The following PIAS4 variants were observed in gnomAD, a reference collection of about 807,000 sequenced individuals.
PIAS4 encodes protein inhibitor of activated STAT 4.
In PIAS4, 7 loss-of-function variants were observed where a neutral mutation model predicts 58.0. That is an observed-to-expected ratio of 0.12 (90% CI 0.07 to 0.23). The LOEUF (loss-of-function observed/expected upper bound fraction) is 0.23. Among genes scored for constraint, PIAS4 ranks in the 10% least tolerant of loss-of-function variants. PIAS4 has a pLI of 1.00. For synonymous variants in PIAS4, 364 were observed against 312.4 expected (o/e 1.17, Z -1.74); for missense variants, 550 against 709.5 (o/e 0.78, Z 2.55).
At chr19:4,025,733 A>C (rs2040157175) in intron 3 of PIAS4, among the ~76,000 whole-genome samples, 1 of 151,272 alleles carries the variant, frequency 6.6e-6, no homozygotes, top group Non-Finnish European at 1.5e-5. Flanking sequence ...CTCCACCTGC[A>C]CTGGGTCCCT....
At chr19:4,015,400 G>T (rs1394186571) in intron 2 of PIAS4, among the ~76,000 whole-genome samples, 2 of 152,144 alleles carry the variant, frequency 1.3e-5, no homozygotes, top group Non-Finnish European at 2.9e-5. Flanking sequence ...CTCCGGGAGA[G>T]CCTGCTCCCC....
At chr19:4,028,054 T>A (rs1326394846) in intron 3 of PIAS4, 92 bp from the exon 4 acceptor site, 8 of 1,176,700 alleles carry the variant, frequency 6.8e-6, no homozygotes, top group Middle Eastern at 1.9e-4. Flanking sequence ...AGCCTTGTGG[T>A]GTGGCGGTCT....
chr19:4,015,070 G>A (rs955216541), intron 2 of PIAS4, among the ~76,000 whole-genome samples: 1 of 152,240 alleles, frequency 6.6e-6, no homozygotes, highest in Non-Finnish European at 1.5e-5. Flanking sequence ...CTGGGGAGCA[G>A]GTTGGCCCAG....
chr19:4,015,023 C>T (rs1040277452), intron 2 of PIAS4, among the ~76,000 whole-genome samples: 2 of 152,202 alleles, frequency 1.3e-5, no homozygotes, highest in African/African-American at 2.4e-5. Context: ...CCGCCTCCAC[C>T]TTTTTTCTCT....
chr19:4,014,614 C>T (rs1056901667), intron 2 of PIAS4, among the ~76,000 whole-genome samples: 4 of 152,206 alleles, frequency 2.6e-5, no homozygotes, highest in African/African-American at 9.6e-5. Flanking sequence ...TGGGTGGGTG[C>T]GTGATGGGCA....
chr19:4,025,597 A>G (rs907662235), intron 3 of PIAS4, among the ~76,000 whole-genome samples: 1 of 152,106 alleles, frequency 6.6e-6, no homozygotes, highest in Non-Finnish European at 1.5e-5. Context: ...CCTCACACCT[A>G]GTAAGGGTTC....
At chr19:4,026,658 G>T (rs959451480) in intron 3 of PIAS4, among the ~76,000 whole-genome samples, 3 of 151,946 alleles carry the variant, frequency 2.0e-5, no homozygotes, top group Non-Finnish European at 4.4e-5. Flanking sequence ...TTTCATAGAA[G>T]TGGAATCACA....
rs1388468383 is a variant in PIAS4, at chr19:4,036,114, A to G, written c.1143-1260A>G. Among the ~76,000 whole-genome samples, 11 of 132,382 alleles carry G rather than the reference A, an allele frequency of 8.3e-5. 1 individual carries two copies. Among genetic ancestry groups the G allele is most frequent in the Non-Finnish European group, 1.9e-4 (11 of 58,942 alleles). The allele number at this position is 132,382 out of a possible 152,430, so 86.8% of individuals were successfully genotyped here. The stretch of plus-strand genomic sequence containing the variant: ...CACACCGTCATACAAACACACACAC[A>G]TCTATACAGTCCACACCGTCACACA... On this transcript the variant is annotated intron_variant, in intron 9 of 10. Coordinates refer to ENST00000262971, the MANE Select transcript of PIAS4 (RefSeq NM_015897.4).
chr19:4,029,079 C>T, intron 7 of PIAS4, 43 bp downstream of exon 7: 5 of 1,402,000 alleles, frequency 3.6e-6, no homozygotes, highest in African/African-American at 1.4e-5. Flanking sequence ...GCCAAGTCCA[C>T]CCTGGAAACC....
At chr19:4,035,979 T>TAC (rs772434359) in intron 9 of PIAS4, among the ~76,000 whole-genome samples, 144 of 1,950 alleles carry the variant, frequency 0.074, 2 homozygotes, top group South Asian at 0.18. Context: ...CACACCGTCA[T>TAC]ACACACACAC....
At chr19:4,027,104 G>A (rs570909735) in intron 3 of PIAS4, among the ~76,000 whole-genome samples, 2 of 151,396 alleles carry the variant, frequency 1.3e-5, no homozygotes, top group East Asian at 1.9e-4. Flanking sequence ...CGCCCGCCTC[G>A]GCCTCCCAAA....
At position 4,038,117 on chromosome 19, in the gene PIAS4, TAA is replaced by T. The variant is rs746220346; in HGVS notation, c.*246_*247del. On this transcript the variant is annotated 3_prime_UTR_variant, in exon 11 of 11. Coordinates refer to ENST00000262971, the MANE Select transcript of PIAS4 (RefSeq NM_015897.4). This position sits in a 1 kb window ranked among gnomAD's most constrained non-coding sequence, Gnocchi z 4.1. Reference sequence around the variant, plus strand: ...AAATGAAACAAAAAAGTCAAACTCTTAAAAACAAGGCCGGCCACCCACACAGC... The same window carrying T: ...AAATGAAACAAAAAAGTCAAACTCTTAAACAAGGCCGGCCACCCACACAGC... 2.0e-6 allele frequency: 1 copy of T among 492,722 alleles called. No individual in the cohort carries two copies. Among genetic ancestry groups the T allele is most frequent in the Non-Finnish European group, 3.5e-6 (1 of 284,672 alleles). 30.5% of individuals were successfully genotyped at this position (492,722 alleles called of 1,614,324 possible). A position where few individuals can be genotyped will look rare whatever the true frequency, so the allele number is the denominator to read the frequency against.
At chr19:4,031,268 G>T (rs941693863) in intron 7 of PIAS4, among the ~76,000 whole-genome samples, 1 of 152,152 alleles carries the variant, frequency 6.6e-6, no homozygotes, top group South Asian at 2.1e-4. Flanking sequence ...GAGCCCCATC[G>T]TGTTGAAGCC....
intron 3 of PIAS4, among the ~76,000 whole-genome samples, chr19:4,026,757 A>G (rs1490966951): frequency 1.3e-5 from 2 of 152,030 alleles, no homozygotes; most frequent in Non-Finnish European, 2.9e-5. Flanking sequence ...ATCTCAGTTC[A>G]CTGCAATCTC....
Position 4,013,256 on chromosome 19 carries a change from C to T in PIAS4, c.361C>T (p.Arg121Trp), listed in dbSNP as rs1270939479. ...LYGKYLNGLG[R>W]LPAKTLKPEV... ...CGGAAAGTACTTAAACGGACTGGGA[C>T]GGTTGCCCGCCAAGACCCTCAAGCC... is the stretch of plus-strand genomic sequence containing the variant. The change falls in exon 2 of 11, where the codon CGG becomes TGG. Residue 121 changes from arginine (R) to tryptophan (W), a missense_variant. Transcript: ENST00000262971. This position sits in a 1 kb window ranked among gnomAD's most constrained non-coding sequence, Gnocchi z 5.1. The T allele has an allele frequency of 3.1e-6, 5 of 1,613,338 alleles. No individual in the cohort carries two copies. Among genetic ancestry groups the T allele is most frequent in the Non-Finnish European group, 3.4e-6 (4 of 1,179,994 alleles).
chr19:4,038,261 T>G lies in PIAS4; in HGVS notation c.*386T>G. On this transcript the variant is annotated 3_prime_UTR_variant, in exon 11 of 11. Transcript: ENST00000262971. This position sits in a 1 kb window ranked among gnomAD's most constrained non-coding sequence, Gnocchi z 4.1. ...GCCCGCCGCCCTCTGCCCACGACCATTCCAGCCAGTGCGCGGGGACCCGGG... is the reference window on the plus strand; with the variant it reads ...GCCCGCCGCCCTCTGCCCACGACCAGTCCAGCCAGTGCGCGGGGACCCGGG... 4 of 169,816 alleles carry G rather than the reference T, an allele frequency of 2.4e-5. No individual in the cohort carries two copies. Among genetic ancestry groups the G allele is most frequent in the East Asian group, 1.9e-4 (1 of 5,198 alleles). 10.5% of individuals were successfully genotyped at this position (169,816 alleles called of 1,614,324 possible).
chr19:4,015,351 C>T (rs1454552012), intron 2 of PIAS4, among the ~76,000 whole-genome samples: 2 of 152,128 alleles, frequency 1.3e-5, no homozygotes, highest in African/African-American at 2.4e-5. Flanking sequence ...CACAATACAT[C>T]GCTGTGCCCT....
chr19:4,020,556 C>T (rs2040099122), intron 2 of PIAS4, among the ~76,000 whole-genome samples: 2 of 152,210 alleles, frequency 1.3e-5, no homozygotes, highest in South Asian at 2.1e-4. Context: ...TACTCAGATG[C>T]CTTCTCTCCA....
chr19:4,019,342 C>T (rs1248440606), intron 2 of PIAS4, among the ~76,000 whole-genome samples: 2 of 152,154 alleles, frequency 1.3e-5, no homozygotes, highest in African/African-American at 4.8e-5. Flanking sequence ...GAAGCACAGC[C>T]CGGTCTCCCC....
Sources: gnomAD v4.1 joint callset for allele counts (sites outside exome capture counted in the v4.1 genomes callset) on GRCh38, gnomAD v4.1.1 for gene constraint, Gnocchi (gnomAD v3.1) non-coding constraint, MANE v1.5 for transcripts, NCBI Gene and HGNC (gene_info 2026-07-23, HGNC 2026-07-21) for gene names.